Variants in PAM observed in about 807,000 individuals in gnomAD.
PAM encodes peptidylglycine alpha-amidating monooxygenase.
Under a neutral mutation model 122.1 loss-of-function variants are expected in PAM, and 72 were observed. The ratio of observed to expected loss-of-function variants is 0.59; its 90% CI spans 0.49 to 0.72. The LOEUF is 0.72. PAM is among the 30% of genes least tolerant of loss of function. The pLI is 0.00. For missense variants in PAM, 1,106 were observed against 1,183.7 expected, an observed-to-expected ratio of 0.93 and a Z score of 0.96; for synonymous variants, 389 against 404.4, an observed-to-expected ratio of 0.96 and a Z score of 0.46.
intron 4 of PAM, among the ~76,000 whole-genome samples, chr5:102,904,615 A>G (rs977665592): frequency 4.0e-4 from 60 of 151,692 alleles, no homozygotes; most frequent in African/African-American, 1.4e-3. Flanking sequence ...GGTAATAGGG[A>G]TGTGAAGTAT....
At chr5:102,940,856 A>G (rs1372894800) in intron 7 of PAM, among the ~76,000 whole-genome samples, 1 of 152,116 alleles carries the variant, frequency 6.6e-6, no homozygotes, top group Non-Finnish European at 1.5e-5. Context: ...TTAGTTTTTT[A>G]AGTTTCCTGG....
chr5:102,946,135 C>T (rs1582014575), intron 7 of PAM, among the ~76,000 whole-genome samples: 1 of 152,150 alleles, frequency 6.6e-6, no homozygotes, highest in East Asian at 1.9e-4. Flanking sequence ...ACACCAAACA[C>T]TGAGGCTGAA....
At chr5:102,926,471 A>G in intron 6 of PAM, 114 bp from the exon 7 acceptor site, 1 of 647,096 alleles carries the variant, frequency 1.5e-6, no homozygotes, top group Non-Finnish European at 2.7e-6. Context: ...TTCATATAAT[A>G]TAATTTTATA....
intron 1 of PAM, among the ~76,000 whole-genome samples, chr5:102,851,771 T>A (rs768828740): frequency 2.0e-5 from 3 of 152,252 alleles, no homozygotes; most frequent in Non-Finnish European, 4.4e-5. Context: ...AAATACGGCA[T>A]GTTAGTGCTA....
Position 103,029,329 on chromosome 5 carries a change from CA to C in PAM, c.*266del, listed in dbSNP as rs1385965861. On this transcript the variant is annotated 3_prime_UTR_variant, in exon 26 of 26. Coordinates refer to ENST00000438793, the MANE Select transcript of PAM (RefSeq NM_001177306.2). ...TTTTTCCATCATAATTCTAATCTAA[CA>C]ATGGAAGATTTGCCCATTTACACTT... 6 of 310,858 alleles carry C rather than the reference CA, an allele frequency of 1.9e-5. No homozygotes were observed. Among genetic ancestry groups the C allele is most frequent in the African/African-American group, 1.3e-4 (6 of 46,696 alleles). The allele number at this position is 310,858 out of a possible 1,614,324, so 19.3% of individuals were successfully genotyped here. A position where few individuals can be genotyped will look rare whatever the true frequency, so the allele number is the denominator to read the frequency against.
intron 4 of PAM, among the ~76,000 whole-genome samples, chr5:102,903,579 G>A (rs1380316168): frequency 6.6e-6 from 1 of 151,434 alleles, no homozygotes; most frequent in Non-Finnish European, 1.5e-5. Context: ...TTTATGTAAC[G>A]GCTGGACCGT....
intron 3 of PAM, among the ~76,000 whole-genome samples, chr5:102,883,832 T>C (rs1194433567): frequency 6.6e-6 from 1 of 151,952 alleles, no homozygotes; most frequent in Non-Finnish European, 1.5e-5. Flanking sequence ...CCATTCAGTA[T>C]AATGTTGGCT....
Position 102,913,992 on chromosome 5 carries a change from C to A in PAM, c.327C>A (p.Cys109Ter). 2 of 1,598,526 alleles carry A rather than the reference C, an allele frequency of 1.3e-6. No individual in the cohort carries two copies. The highest frequency in any genetic ancestry group is 1.7e-6 in the Non-Finnish European group (2 of 1,166,130). Residue 109 changes from cysteine (C) to a stop codon, truncating the protein, a stop_gained, in exon 5 of 26, where the codon TGC becomes TGA. Coordinates refer to ENST00000438793, the MANE Select transcript of PAM (RefSeq NM_001177306.2). LOFTEE classifies it high-confidence loss of function. ...DTVHHMLLFG[C>*]NMPSSTGSYW... The stretch of plus-strand genomic sequence containing the variant: ...TCCATCACATGTTACTTTTTGGATG[C>A]AATATGCCTTCATCCACTGGAAGTT...
chr5:102,910,280 A>G (rs937471909), intron 4 of PAM, among the ~76,000 whole-genome samples: 1 of 151,952 alleles, frequency 6.6e-6, no homozygotes, highest in African/African-American at 2.4e-5. Context: ...AATTTTGCTT[A>G]GAACTCCAGG....
At chr5:102,888,932 C>T (rs1287236848) in intron 3 of PAM, among the ~76,000 whole-genome samples, 1 of 151,880 alleles carries the variant, frequency 6.6e-6, no homozygotes, top group Non-Finnish European at 1.5e-5. Flanking sequence ...AGAATGCAAA[C>T]ATTAACTAAA....
chr5:103,019,382 G>A (rs373306783), intron 22 of PAM, among the ~76,000 whole-genome samples: 61 of 152,180 alleles, frequency 4.0e-4, no homozygotes, highest in African/African-American at 1.4e-3. Context: ...ACACTAAATC[G>A]GTGTCTCATT....
intron 1 of PAM, among the ~76,000 whole-genome samples, chr5:102,762,923 A>G (rs1287759412): frequency 6.6e-6 from 1 of 152,236 alleles, no homozygotes; most frequent in Non-Finnish European, 1.5e-5. Context: ...CAGAATTTTT[A>G]TAATAGAAAA....
chr5:102,801,368 T>G (rs915642568), intron 1 of PAM, among the ~76,000 whole-genome samples: 3 of 152,244 alleles, frequency 2.0e-5, no homozygotes, highest in African/African-American at 7.2e-5. Flanking sequence ...TAATTATTGA[T>G]GCTTTTTATT....
intron 1 of PAM, among the ~76,000 whole-genome samples, chr5:102,851,508 T>C (rs78057463): frequency 0.012 from 1,799 of 152,292 alleles, 31 homozygotes; most frequent in African/African-American, 0.04. Flanking sequence ...AGGCAAATAA[T>C]ACTGCTTAAC....
intron 1 of PAM, among the ~76,000 whole-genome samples, chr5:102,847,960 C>T (rs981175463): frequency 6.6e-6 from 1 of 152,116 alleles, no homozygotes; most frequent in African/African-American, 2.4e-5. Context: ...CAATGAAAAA[C>T]ACTGGTTTTT....
chr5:102,833,747 T>C (rs1580713077), intron 1 of PAM, among the ~76,000 whole-genome samples: 2 of 152,306 alleles, frequency 1.3e-5, no homozygotes, highest in East Asian at 3.9e-4. Context: ...AGACTTAGTT[T>C]CTTCATGTTC....
At position 102,866,007 on chromosome 5, in the gene PAM, C is replaced by T. The variant is rs1581109205; in HGVS notation, c.-189C>T. On this transcript the variant is annotated 5_prime_UTR_variant, in exon 2 of 26. Transcript: ENST00000438793. The stretch of plus-strand genomic sequence containing the variant: ...TGCCCACGGCTTTTTGCCCGCCGCT[C>T]GTGACCGAGACGCCTCGCCGCGGCC... 1 of 456,548 alleles carries T rather than the reference C, an allele frequency of 2.2e-6. No homozygotes were observed. The highest frequency in any genetic ancestry group is 3.8e-6 in the Non-Finnish European group (1 of 263,476). 28.3% of individuals were successfully genotyped at this position (456,548 alleles called of 1,614,324 possible).
chr5:102,892,928 T>C (rs189366796), intron 3 of PAM, among the ~76,000 whole-genome samples: 2 of 151,928 alleles, frequency 1.3e-5, no homozygotes, highest in South Asian at 2.1e-4. Flanking sequence ...TCACAGTTTA[T>C]AGACTATTCT....
chr5:102,961,654 A>G (rs1762528391), intron 14 of PAM, among the ~76,000 whole-genome samples: 1 of 151,878 alleles, frequency 6.6e-6, no homozygotes, highest in African/African-American at 2.4e-5. Context: ...TCCACATCTT[A>G]CCTCTATAAG....
Sources: allele counts gnomAD v4.1 joint callset (sites outside exome capture counted in the v4.1 genomes callset), GRCh38; gene constraint gnomAD v4.1.1; transcripts MANE v1.5; gene names NCBI Gene and HGNC (gene_info 2026-07-23, HGNC 2026-07-21).